The following GRIN2B variants were observed in gnomAD, a reference collection of about 807,000 sequenced individuals.
GRIN2B encodes glutamate receptor ionotropic, NMDA 2B.
In GRIN2B, 5 loss-of-function variants were observed where a neutral mutation model predicts 114.5. The observed-to-expected ratio is 0.04, with a 90% CI of 0.02 to 0.09. GRIN2B has a LOEUF of 0.09. Ranked by LOEUF, GRIN2B falls within the 10% of genes least tolerant of loss-of-function variation. The pLI is 1.00. For synonymous variants in GRIN2B, 787 were observed against 745.1 expected (o/e 1.06, Z -0.92); for missense variants, 1,108 against 1,943.5 (o/e 0.57, Z 8.08).
chr12:13,649,229 G>A (rs955651331), intron 5 of GRIN2B, among the ~76,000 whole-genome samples: 2 of 152,016 alleles, frequency 1.3e-5, no homozygotes, highest in African/African-American at 4.8e-5. Context: ...TCAAAGGAAG[G>A]AACAAAGGCA....
chr12:13,560,757 G>A lies in GRIN2B; in HGVS notation c.*2026C>T, dbSNP rs1948532358. ...TTAGAAAGAAAACAAAGCTTTACAA[G>A]GCCTTCAGTTGGCTTTAAAATGAAA... On this transcript the variant is annotated 3_prime_UTR_variant, in exon 14 of 14. Coordinates refer to ENST00000609686, the MANE Select transcript of GRIN2B (RefSeq NM_000834.5). 1.3e-5 allele frequency: 2 copies of A among 152,256 alleles called. No individual in the cohort carries two copies. The highest frequency in any genetic ancestry group is 1.3e-4 in the Admixed American group (2 of 15,290). 9.4% of individuals were successfully genotyped at this position (152,256 alleles called of 1,614,324 possible). A position where few individuals can be genotyped will look rare whatever the true frequency, so the allele number is the denominator to read the frequency against.
intron 10 of GRIN2B, among the ~76,000 whole-genome samples, chr12:13,596,530 C>G (rs529572411): frequency 6.6e-6 from 1 of 152,272 alleles, no homozygotes; most frequent in Admixed American, 6.5e-5. Flanking sequence ...CCATTTCTTC[C>G]CTCTCTGCCT....
At chr12:13,838,034 A>T in intron 3 of GRIN2B, among the ~76,000 whole-genome samples, 1 of 152,186 alleles carries the variant, frequency 6.6e-6, no homozygotes, top group East Asian at 1.9e-4. Flanking sequence ...GATCTCCATG[A>T]ATTACCAAGG....
At position 13,981,500 on chromosome 12, in the gene GRIN2B, C is replaced by T. The variant is rs913359267; in HGVS notation, c.-606G>A. ...CAAGGCAAAAGGATATGCATTCGGA[C>T]GCCAGCACTACTGGATGGTGGTGAT... On this transcript the variant is annotated 5_prime_UTR_variant, in exon 1 of 14. Coordinates refer to ENST00000609686, the MANE Select transcript of GRIN2B (RefSeq NM_000834.5). 6.6e-6 allele frequency: 1 copy of T among 152,052 alleles called. No homozygotes were observed. The highest frequency in any genetic ancestry group is 1.5e-5 in the Non-Finnish European group (1 of 68,066). 9.4% of individuals were successfully genotyped at this position (152,052 alleles called of 1,614,324 possible).
At chr12:13,692,322 G>C (rs192792330) in intron 4 of GRIN2B, among the ~76,000 whole-genome samples, 1 of 152,234 alleles carries the variant, frequency 6.6e-6, no homozygotes, top group Non-Finnish European at 1.5e-5. Context: ...AACACAGGGA[G>C]AATCCTATTA....
intron 5 of GRIN2B, among the ~76,000 whole-genome samples, chr12:13,672,006 GA>G (rs1389151700): frequency 1.3e-5 from 2 of 152,118 alleles, no homozygotes; most frequent in Admixed American, 6.5e-5. Context: ...GGGTCATTAG[GA>G]GGGCCTTTCT....
chr12:13,749,571 C>T (rs1311442429), intron 4 of GRIN2B, among the ~76,000 whole-genome samples: 1 of 152,182 alleles, frequency 6.6e-6, no homozygotes, highest in African/African-American at 2.4e-5. Context: ...CAGCCATTTG[C>T]AGCAATTTTA....
intron 3 of GRIN2B, among the ~76,000 whole-genome samples, chr12:13,835,771 T>C (rs1293963911): frequency 1.1e-5 from 1 of 91,492 alleles, no homozygotes; most frequent in Non-Finnish European, 2.1e-5. Context: ...CATAGCACAT[T>C]AAAAAAAAAA....
intron 3 of GRIN2B, among the ~76,000 whole-genome samples, chr12:13,761,506 C>T (rs934954293): frequency 5.3e-5 from 8 of 152,230 alleles, no homozygotes; most frequent in South Asian, 4.2e-4. Flanking sequence ...GATACCTAAA[C>T]GAATTACAGA....
chr12:13,653,205 A>G (rs1949833502), intron 5 of GRIN2B, among the ~76,000 whole-genome samples: 1 of 152,158 alleles, frequency 6.6e-6, no homozygotes, highest in Admixed American at 6.5e-5. Context: ...TACCTTGGAC[A>G]GTTAAGTAGA....
In GRIN2B at chr12:13,556,457, T is replaced by C. The variant is rs1040151205; in HGVS notation, c.*6326A>G. 1 of 152,310 alleles carries C rather than the reference T, an allele frequency of 6.6e-6. No individual in the cohort carries two copies. The allele number at this position is 152,310 out of a possible 1,614,324, so 9.4% of individuals were successfully genotyped here. Reference sequence around the variant, plus strand: ...GGACATAGTACGTGCACAATAGACGTTGGTTTAATTAAACTCACATATTTA... The same window carrying C: ...GGACATAGTACGTGCACAATAGACGCTGGTTTAATTAAACTCACATATTTA... On this transcript the variant is annotated 3_prime_UTR_variant, in exon 14 of 14. Coordinates refer to ENST00000609686, the MANE Select transcript of GRIN2B (RefSeq NM_000834.5).
intron 2 of GRIN2B, among the ~76,000 whole-genome samples, chr12:13,954,811 G>GAAAAAAAAAATAAAAAAAAA (rs1867556111): frequency 3.9e-5 from 1 of 25,552 alleles, no homozygotes; most frequent in Non-Finnish European, 1.0e-4. Flanking sequence ...TCCGTCTCAG[G>GAAAAAAAAAATAAAAAAAAA]AAAAAAAAAA....
chr12:13,890,897 C>T (rs975289930), intron 2 of GRIN2B, among the ~76,000 whole-genome samples: 1 of 152,150 alleles, frequency 6.6e-6, no homozygotes, highest in African/African-American at 2.4e-5. Flanking sequence ...AACTTTGAGG[C>T]TGCAAAGTCC....
chr12:13,556,041 G>C lies in GRIN2B; in HGVS notation c.*6742C>G, dbSNP rs1320513412. 1 of 152,146 alleles carries C rather than the reference G, an allele frequency of 6.6e-6. No homozygotes were observed. Among genetic ancestry groups the C allele is most frequent in the African/African-American group, 2.4e-5 (1 of 41,416 alleles). The allele number at this position is 152,146 out of a possible 1,614,324, so 9.4% of individuals were successfully genotyped here. ...GGTAAATACAGGGTTAGACCAAAGA[G>C]GGAATTCAATGAGGCCTGATGGATT... is the stretch of plus-strand genomic sequence containing the variant. On this transcript the variant is annotated 3_prime_UTR_variant, in exon 14 of 14. Transcript: ENST00000609686.
At chr12:13,590,096 C>A (rs893671701) in intron 10 of GRIN2B, among the ~76,000 whole-genome samples, 2 of 152,018 alleles carry the variant, frequency 1.3e-5, no homozygotes, top group Admixed American at 6.6e-5. Context: ...TTCTCTAAGT[C>A]TCTGAGAGAG....
intron 4 of GRIN2B, among the ~76,000 whole-genome samples, chr12:13,730,195 T>G (rs2136603475): frequency 6.6e-6 from 1 of 152,228 alleles, no homozygotes; most frequent in South Asian, 2.1e-4. Flanking sequence ...TCATATAGAT[T>G]TATGTCTTAT....
At chr12:13,843,526 G>A (rs1247234594) in intron 3 of GRIN2B, among the ~76,000 whole-genome samples, 1 of 151,932 alleles carries the variant, frequency 6.6e-6, no homozygotes, top group African/African-American at 2.4e-5. Context: ...GCTTTCACAG[G>A]ATATTAAATC....
At chr12:13,791,369 A>T (rs574522079) in intron 3 of GRIN2B, among the ~76,000 whole-genome samples, 6 of 151,344 alleles carry the variant, frequency 4.0e-5, no homozygotes, top group Non-Finnish European at 7.4e-5. Flanking sequence ...GGAGAATGGC[A>T]TGAACCCGGG....
chr12:13,618,204 G>A (rs1380632297), intron 5 of GRIN2B, among the ~76,000 whole-genome samples: 1 of 152,172 alleles, frequency 6.6e-6, no homozygotes, highest in African/African-American at 2.4e-5. Context: ...AGCCAGTGGA[G>A]ATACTAATGT....
Sources: gnomAD v4.1 joint callset for allele counts (sites outside exome capture counted in the v4.1 genomes callset) on GRCh38, gnomAD v4.1.1 for gene constraint, MANE v1.5 for transcripts, NCBI Gene and HGNC (gene_info 2026-07-23, HGNC 2026-07-21) for gene names.